The following ZNF483 variants were observed in gnomAD, a reference collection of about 807,000 sequenced individuals.
ZNF483 encodes zinc finger protein HIT-10.
ZNF483 carries 9 observed loss-of-function variants against 28.6 expected under a neutral mutation model. The ratio of observed to expected loss-of-function variants is 0.32; its 90% CI spans 0.19 to 0.55. ZNF483 has a LOEUF of 0.55. Among genes scored for constraint, ZNF483 ranks in the 20% least tolerant of loss-of-function variants. ZNF483 has a pLI of 0.93. For missense variants in ZNF483, 675 were observed against 871.7 expected, an observed-to-expected ratio of 0.77 and a Z score of 2.84; for synonymous variants, 322 against 306.2, an observed-to-expected ratio of 1.05 and a Z score of -0.54.
At chr9:111,558,635 A>T (rs529730368), downstream of ZNF483, among the ~76,000 whole-genome samples, 1 of 152,262 alleles carries the variant, frequency 6.6e-6, no homozygotes, top group Admixed American at 6.5e-5. Context: ...TGGAATTTAG[A>T]TAAGTTCATT....
chr9:111,528,205 C>T (rs894157628), intron 2 of ZNF483, among the ~76,000 whole-genome samples: 1 of 152,180 alleles, frequency 6.6e-6, no homozygotes, highest in Non-Finnish European at 1.5e-5. Flanking sequence ...TGGACTAGCA[C>T]GTTGCTAGAG....
intron 2 of ZNF483, among the ~76,000 whole-genome samples, chr9:111,530,159 T>G (rs1827284618): frequency 6.6e-6 from 1 of 152,070 alleles, no homozygotes; most frequent in Non-Finnish European, 1.5e-5. Context: ...GAAGGTTGAG[T>G]TGATCACAGG....
At chr9:111,561,090 TATATATATATATATATATATAGAG>T (rs1828285928) in intron 5 of ZNF483, among the ~76,000 whole-genome samples, 1 of 24,384 alleles carries the variant, frequency 4.1e-5, no homozygotes, top group Non-Finnish European at 7.3e-5. Flanking sequence ...CTAAAATATA[TATATATATATATATATATATAGAG>T]AGAGAGAGAG....
rs919124098 is a variant in ZNF483 at position 111,566,849 on chromosome 9, T to C, written c.722-9516T>C. Among the ~76,000 whole-genome samples the C allele has an allele frequency of 2.0e-5, 3 of 152,068 alleles. No individual in the cohort carries two copies. The South Asian group carries it at 6.2e-4, about 31-fold the overall frequency. ...AATAAGTAAATTATAGTATATATTA[T>C]GTTAAAAGATGATTAATTGCTATGG... On this transcript the variant is annotated intron_variant, in intron 5 of 5. Transcript: ENST00000358151.
chr9:111,543,984 A>G lies in ZNF483; in HGVS notation c.*814A>G. 2.0e-6 allele frequency: 2 copies of G among 985,306 alleles called. No individual in the cohort carries two copies. The highest frequency in any genetic ancestry group is 1.2e-6 in the Non-Finnish European group (1 of 829,926). 61.0% of individuals were successfully genotyped at this position (985,306 alleles called of 1,614,324 possible). A position where few individuals can be genotyped will look rare whatever the true frequency, so the allele number is the denominator to read the frequency against. The stretch of plus-strand genomic sequence containing the variant: ...TACTTTTTGAAAACTTCGTGCAGGA[A>G]TCCCTCAAATGCTGTAACTAGGAAT... On this transcript the variant is annotated 3_prime_UTR_variant, in exon 6 of 6. Coordinates refer to ENST00000309235, the MANE Select transcript of ZNF483 (RefSeq NM_133464.5).
intron 2 of ZNF483, 73 bp from the exon 3 acceptor site, chr9:111,530,790 TATATATATATAC>T (rs71373748): frequency 0.022 from 1,694 of 77,904 alleles, 109 homozygotes; most frequent in South Asian, 0.026. Flanking sequence ...TATATATATA[TATATATATATAC>T]ATATATATAT....
intron 3 of ZNF483, among the ~76,000 whole-genome samples, chr9:111,533,238 A>G (rs1261037556): frequency 6.6e-6 from 1 of 152,240 alleles, no homozygotes; most frequent in Non-Finnish European, 1.5e-5. Context: ...TAATTCTTGT[A>G]CAGTATTTAA....
In ZNF483 at chr9:111,544,136, C is replaced by T. The variant is rs1589277222; in HGVS notation, c.*966C>T. The T allele has an allele frequency of 2.0e-6, 2 of 985,342 alleles. No individual in the cohort carries two copies. Among genetic ancestry groups the T allele is most frequent in the African/African-American group, 1.7e-5 (1 of 57,306 alleles). The allele number at this position is 985,342 out of a possible 1,614,324, so 61.0% of individuals were successfully genotyped here. ...AGAGCTTGCACCTGAGCCATCTCAG[C>T]CGTGAGAGTAACAGTCCTAGGAAAA... On this transcript the variant is annotated 3_prime_UTR_variant, in exon 6 of 6. Transcript: ENST00000309235.
intron 2 of ZNF483, among the ~76,000 whole-genome samples, chr9:111,528,592 A>C (rs1390915845): frequency 2.0e-5 from 3 of 152,104 alleles, no homozygotes; most frequent in African/African-American, 2.4e-5. Context: ...TGTATTTTGC[A>C]GTGTAATATG....
chr9:111,542,602 G>A lies in ZNF483; in HGVS notation c.1667G>A (p.Cys556Tyr). ...GAAAAACCCTATACATGTAGCAATT[G>A]TGGAAAATCCTTCAGTCATAGCTCA... ...TGEKPYTCSN[C>Y]GKSFSHSSSL... The change falls in exon 6 of 6, where the codon TGT (cysteine) becomes TAT (tyrosine). Residue 556 changes from cysteine to tyrosine, a missense_variant. By Grantham distance (194) the Cys-to-Tyr change is radical. Around this residue, in one of 6 missense-constraint regions of ZNF483, gnomAD observed 41 missense variants for 69.0 expected, o/e 0.59. Coordinates refer to ENST00000309235, the MANE Select transcript of ZNF483 (RefSeq NM_133464.5). The surrounding 1 kb of genome is among the most constrained non-coding windows in gnomAD (Gnocchi z 6.2). 1 of 1,614,076 alleles carries A rather than the reference G, an allele frequency of 6.2e-7. No individual in the cohort carries two copies. Among genetic ancestry groups the A allele is most frequent in the Non-Finnish European group, 8.5e-7 (1 of 1,180,002 alleles).
Position 111,543,252 on chromosome 9 carries a change from A to T in ZNF483, c.*82A>T. 6.7e-7 allele frequency: 1 copy of T among 1,497,416 alleles called. No individual in the cohort carries two copies. The highest frequency in any genetic ancestry group is 2.3e-5 in the East Asian group (1 of 43,540). The allele number at this position is 1,497,416 out of a possible 1,614,324, so 92.8% of individuals were successfully genotyped here. A position where few individuals can be genotyped will look rare whatever the true frequency, so the allele number is the denominator to read the frequency against. ...CCTGGGATGTAAACTTACAGTATTG[A>T]TCAGTAGCTGCAGCTTTCGTAAATT... On this transcript the variant is annotated 3_prime_UTR_variant, in exon 6 of 6. Transcript: ENST00000309235.
chr9:111,541,307 T>G (rs895815694), intron 5 of ZNF483, among the ~76,000 whole-genome samples: 1 of 152,102 alleles, frequency 6.6e-6, no homozygotes, highest in Non-Finnish European at 1.5e-5. Context: ...GCCAGGATGG[T>G]CTTGATCTCC....
chr9:111,534,111 C>G (rs1827417358), intron 4 of ZNF483, 150 bp from the exon 5 acceptor site: 7 of 779,868 alleles, frequency 9.0e-6, no homozygotes, highest in South Asian at 8.9e-5. Context: ...AATACCTTTT[C>G]CCATTTTTGT....
In ZNF483 at chr9:111,551,815, CAT is replaced by C. The variant is rs1023614069; in HGVS notation, c.*8648_*8649del. 6.6e-5 allele frequency among the ~76,000 whole-genome samples: 10 copies of C among 152,132 alleles called. No individual in the cohort carries two copies. The South Asian group carries it at 8.3e-4, about 13-fold the overall frequency. ...AAAACTTTTTAAGTAAATTCAGTAACATATCAATTCAGTTTATTAGCATCAAA... is the reference window on the plus strand; with the variant it reads ...AAAACTTTTTAAGTAAATTCAGTAACATCAATTCAGTTTATTAGCATCAAA... On this transcript the variant is annotated 3_prime_UTR_variant, in exon 6 of 6. Transcript: ENST00000309235.
In ZNF483 at chr9:111,574,190, TTAC is replaced by T. The variant is rs1258915427; in HGVS notation, c.722-2174_722-2172del. The T allele has an allele frequency of 1.2e-4, 18 of 152,372 alleles. No homozygotes were observed. In the East Asian group the frequency reaches 3.5e-3, roughly 29 times the overall value. The allele number at this position is 152,372 out of a possible 1,614,324, so 9.4% of individuals were successfully genotyped here. A position where few individuals can be genotyped will look rare whatever the true frequency, so the allele number is the denominator to read the frequency against. On this transcript the variant is annotated intron_variant, in intron 5 of 5. Transcript: ENST00000358151. The stretch of plus-strand genomic sequence containing the variant: ...TCTAAATCAAATCATCACTGTCTTT[TTAC>T]AGTTTTGCATTAAATGATAGGTAAA...
rs1026975977 is a variant in ZNF483 at position 111,554,311 on chromosome 9, C to T, written c.*11141C>T. 6.6e-6 allele frequency among the ~76,000 whole-genome samples: 1 copy of T among 152,166 alleles called. No homozygotes were observed. Among genetic ancestry groups the T allele is most frequent in the Non-Finnish European group, 1.5e-5 (1 of 68,026 alleles). On this transcript the variant is annotated 3_prime_UTR_variant, in exon 6 of 6. Transcript: ENST00000309235. The stretch of plus-strand genomic sequence containing the variant: ...GAAAGTCAACCTCTGTCTTAGAAGT[C>T]ACTTCTACTCTTCCGTTGCCCAGAG...
rs1347430393 is a variant in ZNF483, at chr9:111,542,064, C to T, written c.1129C>T (p.His377Tyr). The T allele has an allele frequency of 1.2e-6, 2 of 1,614,094 alleles. No individual in the cohort carries two copies. The highest frequency in any genetic ancestry group is 1.1e-5 in the South Asian group (1 of 91,074). The change falls in exon 6 of 6, where the codon CAT becomes TAT. Residue 377 changes from histidine (H) to tyrosine (Y), a missense_variant. This residue lies in a region of ZNF483 where 525 missense variants were observed against 581.8 expected (regional missense o/e 0.90). Transcript: ENST00000309235. This position sits in a 1 kb window ranked among gnomAD's most constrained non-coding sequence, Gnocchi z 6.2. ...GAGTCACTCTTCAGCTCTTACTGAA[C>T]ATCAGAAACGTCAGAAGATTCATTT... The part of the protein sequence containing the change: ...VLSHSSALTE[H>Y]QKRQKIHLGD...
intron 5 of ZNF483, among the ~76,000 whole-genome samples, chr9:111,567,004 C>A (rs1190336665): frequency 6.6e-6 from 1 of 151,542 alleles, no homozygotes; most frequent in Non-Finnish European, 1.5e-5. Context: ...TGGGAGAATC[C>A]CCTGAGCCTG....
intron 5 of ZNF483, among the ~76,000 whole-genome samples, chr9:111,564,428 C>T (rs1223324789): frequency 1.3e-5 from 2 of 151,820 alleles, no homozygotes; most frequent in African/African-American, 2.4e-5. Context: ...GCCTCAGCCT[C>T]CTGAGTAGCT....
Sources: gnomAD v4.1 joint callset for allele counts (sites outside exome capture counted in the v4.1 genomes callset) on GRCh38, gnomAD v4.1.1 for gene constraint, gnomAD v4.1.1 regional missense constraint, Gnocchi (gnomAD v3.1) non-coding constraint, MANE v1.5 for transcripts, NCBI Gene and HGNC (gene_info 2026-07-23, HGNC 2026-07-21) for gene names.